The following NPEPPS variants were observed in gnomAD, a reference collection of about 807,000 sequenced individuals.
NPEPPS encodes the protein aminopeptidase puromycin sensitive.
Under a neutral mutation model 115.5 loss-of-function variants are expected in NPEPPS, and 14 were observed. The observed-to-expected ratio is 0.12, with a 90% CI of 0.08 to 0.19. NPEPPS has a LOEUF of 0.19. Ranked by LOEUF, NPEPPS falls within the 10% of genes least tolerant of loss-of-function variation. The probability of loss-of-function intolerance (pLI) is 1.00; values close to 1 mark genes in which losing one functional copy is unlikely to be tolerated. For synonymous variants in NPEPPS, 285 were observed against 390.6 expected (o/e 0.73, Z 3.19); for missense variants, 523 against 1,110.8 (o/e 0.47, Z 7.52).
At chr17:47,535,488 TTGCAG>T (rs1366088526) in intron 1 of NPEPPS, among the ~76,000 whole-genome samples, 2 of 149,956 alleles carry the variant, frequency 1.3e-5, no homozygotes, top group African/African-American at 4.9e-5. Context: ...GAGGCGGAGC[TTGCAG>T]TGAGCCGAGA....
intron 3 of NPEPPS, among the ~76,000 whole-genome samples, chr17:47,577,728 G>C (rs1198326664): frequency 6.6e-6 from 1 of 152,106 alleles, no homozygotes; most frequent in Non-Finnish European, 1.5e-5. Flanking sequence ...TGGTGACTTT[G>C]CTCTAAAGGT....
chr17:47,570,522 G>A (rs578182027), intron 3 of NPEPPS, among the ~76,000 whole-genome samples: 2 of 152,318 alleles, frequency 1.3e-5, no homozygotes, highest in East Asian at 3.9e-4. Context: ...TACAACCAGA[G>A]ATCAAATAGG....
chr17:47,534,547 ATTTAT>A (rs991585499), intron 1 of NPEPPS, among the ~76,000 whole-genome samples: 1 of 151,896 alleles, frequency 6.6e-6, no homozygotes, highest in African/African-American at 2.4e-5. Context: ...AACTTAGTGG[ATTTAT>A]TTTATTTTTT....
intron 2 of NPEPPS, among the ~76,000 whole-genome samples, chr17:47,564,967 A>G (rs1311975163): frequency 1.3e-5 from 2 of 152,186 alleles, no homozygotes; most frequent in African/African-American, 2.4e-5. Context: ...CCTCCATGAC[A>G]TAATTACTTA....
chr17:47,528,138 C>T (rs548461486), upstream of NPEPPS, among the ~76,000 whole-genome samples: 2 of 151,144 alleles, frequency 1.3e-5, no homozygotes, highest in African/African-American at 2.4e-5. Flanking sequence ...TCCATCTGTA[C>T]TAAAAATACA....
intron 13 of NPEPPS, among the ~76,000 whole-genome samples, chr17:47,596,688 A>G (rs146792320): frequency 5.3e-4 from 80 of 152,356 alleles, no homozygotes; most frequent in African/African-American, 1.9e-3. Context: ...ATACTGTAAA[A>G]TTTGATATAA....
chr17:47,538,038 CAT>C (rs1567835155), intron 1 of NPEPPS, among the ~76,000 whole-genome samples: 142 of 150,478 alleles, frequency 9.4e-4, no homozygotes, highest in Non-Finnish European at 1.8e-3. Flanking sequence ...GGATTACAGG[CAT>C]GCACCACCAC....
At chr17:47,544,504 ATTTATT>A (rs1567838772) in intron 1 of NPEPPS, among the ~76,000 whole-genome samples, 7 of 24,056 alleles carry the variant, frequency 2.9e-4, no homozygotes, top group African/African-American at 1.0e-3. Context: ...AATTAAACGT[ATTTATT>A]TATTTATTTA....
chr17:47,574,564 T>C (rs1374477207), intron 3 of NPEPPS, among the ~76,000 whole-genome samples: 1 of 152,154 alleles, frequency 6.6e-6, no homozygotes, highest in Admixed American at 6.6e-5. Flanking sequence ...CTCAAAAATA[T>C]TAATTTATTT....
At chr17:47,567,249 A>G (rs942893721) in intron 2 of NPEPPS, among the ~76,000 whole-genome samples, 6 of 152,254 alleles carry the variant, frequency 3.9e-5, no homozygotes, top group African/African-American at 1.4e-4. Context: ...AGATTTGATT[A>G]GAGGATTTAT....
At chr17:47,616,690 A>C (rs1373855254) in intron 19 of NPEPPS, among the ~76,000 whole-genome samples, 1 of 151,598 alleles carries the variant, frequency 6.6e-6, no homozygotes, top group Admixed American at 6.6e-5. Context: ...TCTCAAAAAA[A>C]AAAAAAGAAA....
At position 47,536,475 on chromosome 17, in the gene NPEPPS, C is replaced by T. The variant is rs1289868542; in HGVS notation, c.255+4920C>T. Among the ~76,000 whole-genome samples, 5 of 149,748 alleles carry T rather than the reference C, an allele frequency of 3.3e-5. No individual in the cohort carries two copies. In the Admixed American group the frequency reaches 3.4e-4, roughly 10 times the overall value. ...TGGCATGATCTCGGCTCACCGCAGC[C>T]TCTGCCCCCCCAGGTTCAAGCAATT... On this transcript the variant is annotated intron_variant, in intron 1 of 22. Coordinates refer to ENST00000322157, the MANE Select transcript of NPEPPS (RefSeq NM_006310.4).
At position 47,603,930 on chromosome 17, in the gene NPEPPS, G is replaced by T; in HGVS notation, c.1756G>T (p.Val586Phe). ...DQWVKLNLGTVGFYRTQYSSA... is the reference protein window; with the variant it reads ...DQWVKLNLGTFGFYRTQYSSA... The stretch of plus-strand genomic sequence containing the variant: ...ATCTTTGCAGTTAAACTTAGGAACA[G>T]TTGGGTTTTATCGGACCCAGTACAG... The change falls in exon 16 of 23, where the codon GTT becomes TTT. Residue 586 changes from valine (V) to phenylalanine (F), a missense_variant. By Grantham distance (50) the Val-to-Phe change is conservative. This residue lies in a region of NPEPPS where 372 missense variants were observed against 542.6 expected (regional missense o/e 0.69). Transcript: ENST00000322157. 6.2e-7 allele frequency: 1 copy of T among 1,611,228 alleles called. No individual in the cohort carries two copies. Among genetic ancestry groups the T allele is most frequent in the Non-Finnish European group, 8.5e-7 (1 of 1,178,438 alleles).
chr17:47,599,810 C>A, intron 14 of NPEPPS, 71 bp downstream of exon 14: 4 of 1,226,138 alleles, frequency 3.3e-6, no homozygotes, highest in Non-Finnish European at 4.6e-6. Flanking sequence ...AGTATTCCAA[C>A]TAATAGGAAA....
At chr17:47,556,562 C>T (rs1158803472) in intron 2 of NPEPPS, among the ~76,000 whole-genome samples, 1 of 152,214 alleles carries the variant, frequency 6.6e-6, no homozygotes, top group Admixed American at 6.5e-5. Flanking sequence ...AAACCGCCAT[C>T]GTCATCATGG....
chr17:47,562,785 TAAAAA>T (rs3065310), intron 2 of NPEPPS, among the ~76,000 whole-genome samples: 5 of 146,354 alleles, frequency 3.4e-5, no homozygotes, highest in African/African-American at 1.3e-4. Context: ...TAGTTAATTG[TAAAAA>T]AAAAAAAGAA....
chr17:47,525,403 G>A (rs914153605), intron 1 of NPEPPS, among the ~76,000 whole-genome samples: 2 of 152,156 alleles, frequency 1.3e-5, no homozygotes, highest in African/African-American at 4.8e-5. Context: ...GAATGCAATG[G>A]CGTGATCTTG....
chr17:47,549,150 C>G (rs1042761674), intron 2 of NPEPPS, among the ~76,000 whole-genome samples: 3 of 151,486 alleles, frequency 2.0e-5, no homozygotes, highest in African/African-American at 7.3e-5. Context: ...CAAGACCAGC[C>G]TAGCGAAGAT....
intron 13 of NPEPPS, among the ~76,000 whole-genome samples, chr17:47,597,469 A>G (rs1912948137): frequency 2.6e-5 from 4 of 152,106 alleles, no homozygotes; most frequent in Non-Finnish European, 5.9e-5. Context: ...GTTCTTTTTT[A>G]GTATGTGTTT....
Sources: gnomAD v4.1 joint callset for allele counts (sites outside exome capture counted in the v4.1 genomes callset) on GRCh38, gnomAD v4.1.1 for gene constraint, gnomAD v4.1.1 regional missense constraint, MANE v1.5 for transcripts, NCBI Gene and HGNC (gene_info 2026-07-23, HGNC 2026-07-21) for gene names.